FHIP1B: variants seen among roughly 807,000 people sequenced by gnomAD.
FHIP1B encodes FHF complex subunit HOOK interacting protein 1B, also known as FHF complex subunit HOOK-interacting protein 1B.
FHIP1B carries 28 observed loss-of-function variants against 82.2 expected under a neutral mutation model. That is an observed-to-expected ratio of 0.34 (90% CI 0.25 to 0.47). The LOEUF (loss-of-function observed/expected upper bound fraction) is 0.47. Among genes scored for constraint, FHIP1B ranks in the 20% least tolerant of loss-of-function variants. The pLI is 1.00. For missense variants in FHIP1B, 1,110 were observed against 1,262.6 expected (o/e 0.88, Z 1.83); for synonymous variants, 585 against 516.1 (o/e 1.13, Z -1.81).
chr11:6,223,564 A>G lies in FHIP1B; in HGVS notation c.777+46T>C, dbSNP rs1413941421. ...TCTCCTGGATAGGAAGGTGCTGTTC[A>G]GTATCTACACACCACACCCTACCCT... On this transcript the variant is annotated intron_variant, in intron 3 of 11. Transcript: ENST00000449352. The surrounding 1 kb of genome is among the most constrained non-coding windows in gnomAD (Gnocchi z 4.8). The G allele has an allele frequency of 3.3e-6, 5 of 1,528,126 alleles. No individual in the cohort carries two copies. Among genetic ancestry groups the G allele is most frequent in the Non-Finnish European group, 4.4e-6 (5 of 1,139,208 alleles). The allele number at this position is 1,528,126 out of a possible 1,614,324, so 94.7% of individuals were successfully genotyped here.
In FHIP1B at chr11:6,232,468, C is replaced by T. The variant is rs148071067; in HGVS notation, c.-192+2076G>A. On this transcript the variant is annotated intron_variant, in intron 1 of 11. Coordinates refer to ENST00000449352, the MANE Select transcript of FHIP1B (RefSeq NM_001098794.2). ...ATTACAAATCATTAAAAAATCCTCC[C>T]ACATCACCTTCAGTGTCTATTATAA... Among the ~76,000 whole-genome samples, 72 of 152,326 alleles carry T rather than the reference C, an allele frequency of 4.7e-4. 1 individual carries two copies. The East Asian group carries it at 0.013, about 27-fold the overall frequency.
chr11:6,214,384 GT>G, intron 11 of FHIP1B, 26 bp downstream of exon 11: 1 of 1,581,538 alleles, frequency 6.3e-7, no homozygotes. Context: ...GGGAGGGCAG[GT>G]ACGGGTGTGG....
Position 6,224,686 on chromosome 11 carries a change from T to C in FHIP1B, c.-170A>G, listed in dbSNP as rs1221989810. 2 of 624,604 alleles carry C rather than the reference T, an allele frequency of 3.2e-6. No homozygotes were observed. The highest frequency in any genetic ancestry group is 3.7e-5 in the African/African-American group (2 of 54,254). 38.7% of individuals were successfully genotyped at this position (624,604 alleles called of 1,614,324 possible). On this transcript the variant is annotated 5_prime_UTR_variant, in exon 2 of 12. Coordinates refer to ENST00000449352, the MANE Select transcript of FHIP1B (RefSeq NM_001098794.2). ...CTGGAATGGCAAGCCCAGAGGTCACTGGCCAGTCCAGATTTCTAAATCTAA... is the reference window on the plus strand; with the variant it reads ...CTGGAATGGCAAGCCCAGAGGTCACCGGCCAGTCCAGATTTCTAAATCTAA...
At chr11:6,216,195 G>C (rs1847220706) in intron 9 of FHIP1B, among the ~76,000 whole-genome samples, 2 of 152,232 alleles carry the variant, frequency 1.3e-5, no homozygotes, top group African/African-American at 4.8e-5. Context: ...ATTTTCTGTA[G>C]GAGGCAAGAA....
In FHIP1B at chr11:6,217,781, T is replaced by C; in HGVS notation, c.1805A>G (p.Asp602Gly). ...CTCCCCTTCCCCCACGTTGTTCCTG[T>C]CCTCCTCAGGCAGTAGGCTGCGTTT... ...TKKRSLLPEE[D>G]RNNVGEGEEE... Residue 602 changes from aspartate (D) to glycine (G), a missense_variant, in exon 9 of 12, where the codon GAC becomes GGC. Asp to Gly is a moderately conservative substitution (Grantham distance 94). This residue lies in a region of FHIP1B where 418 missense variants were observed against 371.4 expected (regional missense o/e 1.13). Coordinates refer to ENST00000449352, the MANE Select transcript of FHIP1B (RefSeq NM_001098794.2). 1 of 1,609,824 alleles carries C rather than the reference T, an allele frequency of 6.2e-7. No homozygotes were observed. Among genetic ancestry groups the C allele is most frequent in the Non-Finnish European group, 8.5e-7 (1 of 1,177,732 alleles).
rs948931782 is a variant in FHIP1B at position 6,223,501 on chromosome 11, T to G, written c.777+109A>C. 1.5e-5 allele frequency: 21 copies of G among 1,391,466 alleles called. No individual in the cohort carries two copies. Among genetic ancestry groups the G allele is most frequent in the Non-Finnish European group, 1.9e-5 (19 of 1,023,400 alleles). 86.2% of individuals were successfully genotyped at this position (1,391,466 alleles called of 1,614,324 possible). A position where few individuals can be genotyped will look rare whatever the true frequency, so the allele number is the denominator to read the frequency against. Reference sequence around the variant, plus strand: ...GCTGCTTTCAAATCCAGGAACTGTTTCCTAGGGGAACGGGCCCTGGAACAT... The same window carrying G: ...GCTGCTTTCAAATCCAGGAACTGTTGCCTAGGGGAACGGGCCCTGGAACAT... On this transcript the variant is annotated intron_variant, in intron 3 of 11. Coordinates refer to ENST00000449352, the MANE Select transcript of FHIP1B (RefSeq NM_001098794.2). The surrounding 1 kb of genome is among the most constrained non-coding windows in gnomAD (Gnocchi z 4.8).
intron 9 of FHIP1B, among the ~76,000 whole-genome samples, chr11:6,215,602 C>T (rs1341927892): frequency 6.6e-6 from 1 of 152,154 alleles, no homozygotes; most frequent in East Asian, 1.9e-4. Context: ...TTTTGTCTTT[C>T]AGAAGCTGGG....
At chr11:6,231,676 T>C (rs1847704061) in intron 1 of FHIP1B, among the ~76,000 whole-genome samples, 1 of 151,798 alleles carries the variant, frequency 6.6e-6, no homozygotes, top group Admixed American at 6.6e-5. Flanking sequence ...TTATTGTCGT[T>C]GTTGTTGTTG....
chr11:6,218,723 G>C lies in FHIP1B; in HGVS notation c.1312C>G (p.Pro438Ala), dbSNP rs2133806478. The C allele has an allele frequency of 6.2e-7, 1 of 1,614,156 alleles. No individual in the cohort carries two copies. Among genetic ancestry groups the C allele is most frequent in the Non-Finnish European group, 8.5e-7 (1 of 1,180,032 alleles). ...PCNHVMLSQK[P>A]AVRDVDLYGR... ...TATAGGTCCACATCACGAACAGCCG[G>C]CTTCTGGCTCAGCATAACGTGGTTA... The change falls in exon 8 of 12, where the codon CCG becomes GCG. Residue 438 changes from proline to alanine, a missense_variant. By Grantham distance (27) the Pro-to-Ala change is conservative. Transcript: ENST00000449352.
At chr11:6,225,967 A>T (rs2133833120) in intron 1 of FHIP1B, among the ~76,000 whole-genome samples, 1 of 152,258 alleles carries the variant, frequency 6.6e-6, no homozygotes, top group South Asian at 2.1e-4. Flanking sequence ...AAAAAGTACC[A>T]AGTAGCTATT....
Position 6,217,971 on chromosome 11 carries a change from T to C in FHIP1B, c.1615A>G (p.Thr539Ala), listed in dbSNP as rs368836421. ...SPASSPGRRP[T>A]PAEEPGELED... ...AGCTCTCCAGGCTCCTCTGCAGGGG[T>C]AGGCCGTCGGCCAGGGCTGGAGGCG... Residue 539 changes from threonine to alanine, a missense_variant, in exon 9 of 12, where the codon ACC (threonine) becomes GCC (alanine). By Grantham distance (58) the Thr-to-Ala change is moderately conservative. Coordinates refer to ENST00000449352, the MANE Select transcript of FHIP1B (RefSeq NM_001098794.2). 2.0e-4 allele frequency: 321 copies of C among 1,613,068 alleles called. 4 individuals carry two copies. In the South Asian group the frequency reaches 3.4e-3, roughly 17 times the overall value.
chr11:6,221,616 A>G (rs1211142674), intron 6 of FHIP1B, among the ~76,000 whole-genome samples: 1 of 151,836 alleles, frequency 6.6e-6, no homozygotes, highest in Non-Finnish European at 1.5e-5. Flanking sequence ...ATTTCCTCAA[A>G]CATGTTAAGC....
At chr11:6,228,974 T>A (rs944917091) in intron 1 of FHIP1B, among the ~76,000 whole-genome samples, 3 of 152,230 alleles carry the variant, frequency 2.0e-5, no homozygotes. Context: ...TACTGTACCA[T>A]CCCTTGTTGG....
chr11:6,222,748 C>A, intron 5 of FHIP1B, 63 bp downstream of exon 5: 2 of 1,572,482 alleles, frequency 1.3e-6, no homozygotes, highest in South Asian at 1.1e-5. Flanking sequence ...CTACGTTAGT[C>A]CTGTCACTGA....
chr11:6,219,876 C>A (rs1014091516), intron 6 of FHIP1B, among the ~76,000 whole-genome samples: 1 of 152,098 alleles, frequency 6.6e-6, no homozygotes, highest in Non-Finnish European at 1.5e-5. Context: ...TGCTACATGA[C>A]CACGGGAGAA....
Position 6,218,737 on chromosome 11 carries a change from A to G in FHIP1B, c.1298T>C (p.Met433Thr). The change falls in exon 8 of 12, where the codon ATG becomes ACG. Residue 433 changes from methionine (M) to threonine (T), a missense_variant. Transcript: ENST00000449352. The part of the protein sequence containing the change: ...LRYLVPCNHV[M>T]LSQKPAVRDV... ...ACGAACAGCCGGCTTCTGGCTCAGC[A>G]TAACGTGGTTACATGGAACAAGATA... 1 of 1,614,176 alleles carries G rather than the reference A, an allele frequency of 6.2e-7. No individual in the cohort carries two copies. The highest frequency in any genetic ancestry group is 8.5e-7 in the Non-Finnish European group (1 of 1,180,030).
chr11:6,234,593 T>A lies in FHIP1B; in HGVS notation c.-241A>T, dbSNP rs535018965. 1 of 152,832 alleles carries A rather than the reference T, an allele frequency of 6.5e-6. No homozygotes were observed. The highest frequency in any genetic ancestry group is 6.5e-5 in the Admixed American group (1 of 15,298). 9.5% of individuals were successfully genotyped at this position (152,832 alleles called of 1,614,324 possible). A position where few individuals can be genotyped will look rare whatever the true frequency, so the allele number is the denominator to read the frequency against. The stretch of plus-strand genomic sequence containing the variant: ...TGGCCGGGCCCGGTTGCTGCTGCGG[T>A]GTTAGGTGAGTTCAGGCCGCCGCCA... On this transcript the variant is annotated 5_prime_UTR_variant, in exon 1 of 12. Transcript: ENST00000449352.
intron 9 of FHIP1B, chr11:6,216,965 TAG>T (rs935085713): frequency 1.6e-5 from 10 of 643,004 alleles, no homozygotes; most frequent in African/African-American, 5.4e-5. Context: ...CGGAATGGCA[TAG>T]AGAGTGTTTA....
In FHIP1B at chr11:6,214,900, C is replaced by A; in HGVS notation, c.2227G>T (p.Ala743Ser). 6.3e-7 allele frequency: 1 copy of A among 1,583,438 alleles called. No homozygotes were observed. Among genetic ancestry groups the A allele is most frequent in the Non-Finnish European group, 8.6e-7 (1 of 1,162,554 alleles). ...PSQPFTGPFM[A>S]VLFAKLENML... ...TTCTCGAGTTTGGCAAAGAGCACAG[C>A]CATGAAGGGGCCTGGGTTGGGGGGG... The change falls in exon 10 of 12, where the codon GCT (alanine) becomes TCT (serine). Residue 743 changes from alanine (A) to serine (S), a missense_variant. Physicochemically the swap from Ala to Ser is moderately conservative, Grantham distance 99. Around this residue, in one of 6 missense-constraint regions of FHIP1B, gnomAD observed 418 missense variants for 371.4 expected, o/e 1.13. Coordinates refer to ENST00000449352, the MANE Select transcript of FHIP1B (RefSeq NM_001098794.2).
Sources: allele counts gnomAD v4.1 joint callset (sites outside exome capture counted in the v4.1 genomes callset), GRCh38; gene constraint gnomAD v4.1.1; regional missense constraint gnomAD v4.1.1; non-coding constraint Gnocchi (gnomAD v3.1); transcripts MANE v1.5; gene names NCBI Gene and HGNC (gene_info 2026-07-23, HGNC 2026-07-21).